Variants in PPP5C observed in about 807,000 individuals in gnomAD.
PPP5C encodes the protein serine/threonine-protein phosphatase 5.
PPP5C carries 21 observed loss-of-function variants against 66.7 expected under a neutral mutation model. That is an observed-to-expected ratio of 0.31 (90% CI 0.22 to 0.45). The LOEUF (loss-of-function observed/expected upper bound fraction) is 0.45, where lower values mean the gene tolerates loss of function less well. PPP5C is among the 20% of genes least tolerant of loss of function. The pLI, the probability that PPP5C is intolerant of heterozygous loss-of-function variation, is 1.00. For missense variants in PPP5C, 464 were observed against 675.9 expected (o/e 0.69, Z 3.48); for synonymous variants, 246 against 257.4 (o/e 0.96, Z 0.43).
chr19:46,375,036 C>G (rs1436269858), intron 2 of PPP5C, among the ~76,000 whole-genome samples: 1 of 152,194 alleles, frequency 6.6e-6, no homozygotes, highest in African/African-American at 2.4e-5. Flanking sequence ...GTGCTGCTGC[C>G]CACCTGCCCC....
At position 46,347,126 on chromosome 19, in the gene PPP5C, G is replaced by T; in HGVS notation, c.30G>T (p.Glu10Asp). The change falls in exon 1 of 13, where the codon GAG becomes GAT. Residue 10 changes from glutamate to aspartate, a missense_variant. By Grantham distance (45) the Glu-to-Asp change is conservative. This residue lies in a region of PPP5C where 77 missense variants were observed against 49.9 expected (regional missense o/e 1.54). Transcript: ENST00000012443. The part of the protein sequence containing the change: MAMAEGERT[E>D]CAEPPRDEPP... Reference sequence around the variant, plus strand: ...CGATGGCGGAGGGCGAGAGGACTGAGTGTGCTGAGCCCCCCCGGGACGAAC... The same window carrying T: ...CGATGGCGGAGGGCGAGAGGACTGATTGTGCTGAGCCCCCCCGGGACGAAC... 6.2e-7 allele frequency: 1 copy of T among 1,605,300 alleles called. No individual in the cohort carries two copies. The highest frequency in any genetic ancestry group is 8.5e-7 in the Non-Finnish European group (1 of 1,176,220).
At position 46,354,896 on chromosome 19, in the gene PPP5C, G is replaced by C. The variant is rs992773240; in HGVS notation, c.363+907G>C. Reference sequence around the variant, plus strand: ...GGGACCTAGGGCACAGTGAGAATTCGCTAGTGCCCTCACCCACCTAATGAA... The same window carrying C: ...GGGACCTAGGGCACAGTGAGAATTCCCTAGTGCCCTCACCCACCTAATGAA... On this transcript the variant is annotated intron_variant, in intron 2 of 12. Coordinates refer to ENST00000012443, the MANE Select transcript of PPP5C (RefSeq NM_006247.4). 2.0e-5 allele frequency among the ~76,000 whole-genome samples: 3 copies of C among 152,162 alleles called. No individual in the cohort carries two copies. The East Asian group carries it at 5.8e-4, about 29-fold the overall frequency.
intron 2 of PPP5C, among the ~76,000 whole-genome samples, chr19:46,371,434 A>G (rs1297797168): frequency 2.0e-5 from 3 of 152,080 alleles, no homozygotes; most frequent in Admixed American, 1.3e-4. Flanking sequence ...AATATAACTC[A>G]TTTCATCTTC....
intron 11 of PPP5C, 104 bp from the exon 12 acceptor site, chr19:46,389,947 C>G: frequency 7.6e-4 from 710 of 939,476 alleles, no homozygotes; most frequent in Non-Finnish European, 1.1e-3. Flanking sequence ...GTGGCTCTGT[C>G]CCTCCCTCTC....
intron 2 of PPP5C, among the ~76,000 whole-genome samples, chr19:46,366,344 T>C (rs1972490803): frequency 6.6e-6 from 1 of 151,766 alleles, no homozygotes; most frequent in African/African-American, 2.4e-5. Context: ...GAGAGGCTTG[T>C]GGTTTTTGTT....
intron 4 of PPP5C, chr19:46,382,280 C>G (rs941069495): frequency 2.6e-5 from 4 of 152,228 alleles, no homozygotes; most frequent in South Asian, 2.1e-4. Flanking sequence ...AGGGTGAAAG[C>G]TGTGGGCTCC....
At position 46,390,438 on chromosome 19, in the gene PPP5C, G is replaced by A; in HGVS notation, c.*92G>A. On this transcript the variant is annotated 3_prime_UTR_variant, in exon 13 of 13. Transcript: ENST00000012443. ...GGGGCAGAGCAGGCCCCGCCCCAGG[G>A]CAATGTTGGACCCCCTTTTACTTTG... The A allele has an allele frequency of 1.9e-6, 3 of 1,538,934 alleles. No individual in the cohort carries two copies. Among genetic ancestry groups the A allele is most frequent in the Non-Finnish European group, 1.8e-6 (2 of 1,140,938 alleles).
At chr19:46,373,353 G>A (rs1972629678) in intron 2 of PPP5C, among the ~76,000 whole-genome samples, 2 of 152,238 alleles carry the variant, frequency 1.3e-5, no homozygotes, top group Non-Finnish European at 2.9e-5. Flanking sequence ...TCACCTCCCC[G>A]GGCCTTGGTT....
chr19:46,354,158 G>T (rs541647731), intron 2 of PPP5C, among the ~76,000 whole-genome samples, 169 bp downstream of exon 2: 86 of 152,246 alleles, frequency 5.6e-4, no homozygotes, highest in Non-Finnish European at 1.0e-3. Flanking sequence ...CCACAGCTCT[G>T]CTCAGCCATC....
Position 46,383,209 on chromosome 19 carries a change from C to T in PPP5C, c.634-202C>T. 6.5e-7 allele frequency: 1 copy of T among 1,530,728 alleles called. No individual in the cohort carries two copies. The highest frequency in any genetic ancestry group is 2.5e-5 in the East Asian group (1 of 40,532). 94.8% of individuals were successfully genotyped at this position (1,530,728 alleles called of 1,614,324 possible). A position where few individuals can be genotyped will look rare whatever the true frequency, so the allele number is the denominator to read the frequency against. On this transcript the variant is annotated intron_variant, in intron 4 of 12. Transcript: ENST00000012443. This position sits in a 1 kb window ranked among gnomAD's most constrained non-coding sequence, Gnocchi z 5.0. ...GTACAAAACAATCGCAATGCTTCGG[C>T]ACTGCACAGGCCACAGAAGCCTGCG...
At position 46,383,605 on chromosome 19, in the gene PPP5C, C is replaced by A; in HGVS notation, c.699+129C>A. On this transcript the variant is annotated intron_variant, in intron 5 of 12. Coordinates refer to ENST00000012443, the MANE Select transcript of PPP5C (RefSeq NM_006247.4). The surrounding 1 kb of genome is among the most constrained non-coding windows in gnomAD (Gnocchi z 5.0). ...CTCACACCCCACCCCTGTGCCTTTC[C>A]TCCTGAATATCCCATTTCTCTCCTG... 9.0e-7 allele frequency: 1 copy of A among 1,105,414 alleles called. No homozygotes were observed. The highest frequency in any genetic ancestry group is 2.6e-5 in the East Asian group (1 of 38,674). 68.5% of individuals were successfully genotyped at this position (1,105,414 alleles called of 1,614,324 possible).
At chr19:46,379,716 G>T (rs1972757928) in intron 4 of PPP5C, among the ~76,000 whole-genome samples, 1 of 152,066 alleles carries the variant, frequency 6.6e-6, no homozygotes, top group Non-Finnish European at 1.5e-5. Flanking sequence ...TGTGGCGAGG[G>T]GTGGAGTGTT....
At chr19:46,358,116 AT>A (rs1183689838) in intron 2 of PPP5C, among the ~76,000 whole-genome samples, 1 of 152,186 alleles carries the variant, frequency 6.6e-6, no homozygotes, top group Non-Finnish European at 1.5e-5. Context: ...GATTCCAAAG[AT>A]TTTAGGAGTT....
Position 46,383,275 on chromosome 19 carries a change from C to G in PPP5C, c.634-136C>G. On this transcript the variant is annotated intron_variant, in intron 4 of 12. Coordinates refer to ENST00000012443, the MANE Select transcript of PPP5C (RefSeq NM_006247.4). The surrounding 1 kb of genome is among the most constrained non-coding windows in gnomAD (Gnocchi z 5.0). ...GCCTGCTCCCGCTCCCCCAGGCCTG[C>G]CCTGCCCTTTTTCTTCTCTCCCTGC... 3 of 1,548,054 alleles carry G rather than the reference C, an allele frequency of 1.9e-6. No individual in the cohort carries two copies. Among genetic ancestry groups the G allele is most frequent in the Non-Finnish European group, 2.6e-6 (3 of 1,146,190 alleles).
intron 1 of PPP5C, among the ~76,000 whole-genome samples, chr19:46,349,638 G>A (rs1972147664): frequency 1.3e-5 from 2 of 152,230 alleles, no homozygotes; most frequent in East Asian, 1.9e-4. Context: ...TTTCAAGAGC[G>A]GGGTGCTGTG....
Position 46,388,794 on chromosome 19 carries a change from G to GT in PPP5C, c.1355+67dup. The GT allele has an allele frequency of 6.4e-7, 1 of 1,561,718 alleles. No homozygotes were observed. The highest frequency in any genetic ancestry group is 1.4e-5 in the African/African-American group (1 of 73,116). On this transcript the variant is annotated intron_variant, in intron 11 of 12. Coordinates refer to ENST00000012443, the MANE Select transcript of PPP5C (RefSeq NM_006247.4). This position sits in a 1 kb window ranked among gnomAD's most constrained non-coding sequence, Gnocchi z 4.9. ...GCCACGGGTTTTTGTCTTGGTTTTT[G>GT]TTTTGCCTTTTTATGATGGAACATT...
At chr19:46,372,997 C>G (rs1429265213) in intron 2 of PPP5C, among the ~76,000 whole-genome samples, 1 of 152,228 alleles carries the variant, frequency 6.6e-6, no homozygotes, top group East Asian at 1.9e-4. Context: ...TGAGCACTTG[C>G]CTGCTGCTGC....
intron 1 of PPP5C, among the ~76,000 whole-genome samples, chr19:46,349,083 C>T (rs1048690311): frequency 5.3e-5 from 8 of 151,954 alleles, no homozygotes; most frequent in African/African-American, 9.7e-5. Flanking sequence ...AAGACGAGAA[C>T]GTGCACAGGA....
Position 46,347,236 on chromosome 19 carries a change from G to A in PPP5C, c.121+19G>A. On this transcript the variant is annotated intron_variant, in intron 1 of 12. Transcript: ENST00000012443. Reference sequence around the variant, plus strand: ...TTCAAAGGTGCGCCCGCCTGGCAGGGAGGGTGGACAGTGGCCCAGGCTGAG... The same window carrying A: ...TTCAAAGGTGCGCCCGCCTGGCAGGAAGGGTGGACAGTGGCCCAGGCTGAG... 6.3e-7 allele frequency: 1 copy of A among 1,596,322 alleles called. No individual in the cohort carries two copies. The highest frequency in any genetic ancestry group is 8.5e-7 in the Non-Finnish European group (1 of 1,171,614).
Sources: gnomAD v4.1 joint callset for allele counts (sites outside exome capture counted in the v4.1 genomes callset) on GRCh38, gnomAD v4.1.1 for gene constraint, gnomAD v4.1.1 regional missense constraint, Gnocchi (gnomAD v3.1) non-coding constraint, MANE v1.5 for transcripts, NCBI Gene and HGNC (gene_info 2026-07-23, HGNC 2026-07-21) for gene names.